The following POU3F3 variants were observed in gnomAD, a reference collection of about 807,000 sequenced individuals.
The protein encoded by POU3F3 is POU class 3 homeobox 3.
Under a neutral mutation model 8.6 loss-of-function variants are expected in POU3F3, and 1 was observed. The observed-to-expected ratio is 0.12, with a 90% CI of 0.04 to 0.55. The LOEUF (loss-of-function observed/expected upper bound fraction) is 0.55, where lower values mean the gene tolerates loss of function less well. POU3F3 is among the 20% of genes least tolerant of loss of function. POU3F3 has a pLI of 0.91. For missense variants in POU3F3, 577 were observed against 690.7 expected (o/e 0.84, Z 1.84); for synonymous variants, 418 against 327.4 (o/e 1.28, Z -2.99).
the POU3F3 span, among the ~76,000 whole-genome samples, chr2:104,878,539 G>A: frequency 2.6e-5 from 4 of 152,314 alleles, no homozygotes; most frequent in Non-Finnish European, 4.4e-5. Flanking sequence ...TGAAAAGGCT[G>A]CACTCTTACT....
At chr2:104,880,605 C>T in the POU3F3 span, among the ~76,000 whole-genome samples, 1 of 152,214 alleles carries the variant, frequency 6.6e-6, no homozygotes, top group Non-Finnish European at 1.5e-5. Flanking sequence ...TTTCTCAAGT[C>T]CATTCTGATT....
the POU3F3 span, among the ~76,000 whole-genome samples, chr2:104,870,770 TATCCCAGAATGAACA>T: frequency 6.6e-6 from 1 of 152,220 alleles, no homozygotes; most frequent in East Asian, 1.9e-4. Flanking sequence ...CTCTTCCTCC[TATCCCAGAATGAACA>T]GGGACTTCCA....
rs1363864019 is a variant in POU3F3, at chr2:104,855,574, G to T, written c.64G>T (p.Val22Leu). 1 of 1,017,868 alleles carries T rather than the reference G, an allele frequency of 9.8e-7. No homozygotes were observed. Among genetic ancestry groups the T allele is most frequent in the South Asian group, 3.4e-5 (1 of 29,838 alleles). The allele number at this position is 1,017,868 out of a possible 1,614,324, so 63.1% of individuals were successfully genotyped here. ...CAGCCTGCTCGCGGCCGGCTCTATT[G>T]TGCACTCGGACGCGGCAGGGGCTGG... ...GNSLLAAGSI[V>L]HSDAAGAGGG... The change falls in exon 1 of 1, where the codon GTG (valine) becomes TTG (leucine). Residue 22 changes from valine (V) to leucine (L), a missense_variant. Val to Leu is a conservative substitution (Grantham distance 32, BLOSUM62 1). Transcript: ENST00000361360.
rs1232861820 is a variant in POU3F3 at position 104,856,283 on chromosome 2, G to T, written c.773G>T (p.Gly258Val). Residue 258 changes from glycine (G) to valine (V), a missense_variant, in exon 1 of 1, where the codon GGG (glycine) becomes GTG (valine). Physicochemically the swap from Gly to Val is moderately radical, Grantham distance 109. Transcript: ENST00000361360. ...GGGAQSLVHP[G>V]LVRGDTPELA... Reference sequence around the variant, plus strand: ...GGAGCCCAGAGCTTGGTGCACCCGGGGCTGGTGCGCGGGGACACGCCAGAG... The same window carrying T: ...GGAGCCCAGAGCTTGGTGCACCCGGTGCTGGTGCGCGGGGACACGCCAGAG... 6.8e-7 allele frequency: 1 copy of T among 1,470,462 alleles called. No homozygotes were observed. The highest frequency in any genetic ancestry group is 8.9e-7 in the Non-Finnish European group (1 of 1,120,076). The allele number at this position is 1,470,462 out of a possible 1,614,324, so 91.1% of individuals were successfully genotyped here.
the POU3F3 span, among the ~76,000 whole-genome samples, chr2:104,863,980 C>A: frequency 7.2e-5 from 11 of 152,226 alleles, no homozygotes; most frequent in Non-Finnish European, 1.5e-4. Context: ...CCGCACGGGG[C>A]GGTGGAGTTC....
chr2:104,903,097 G>A, the POU3F3 span, among the ~76,000 whole-genome samples: 2 of 152,262 alleles, frequency 1.3e-5, no homozygotes, highest in Admixed American at 6.5e-5. Context: ...TATCAAAACT[G>A]TCTGCTAAAG....
At chr2:104,864,148 G>A in the POU3F3 span, among the ~76,000 whole-genome samples, 3 of 152,364 alleles carry the variant, frequency 2.0e-5, no homozygotes, top group East Asian at 5.8e-4. Flanking sequence ...TAGGCCTGCG[G>A]GGAGATCCTG....
chr2:104,924,621 C>T, the POU3F3 span, among the ~76,000 whole-genome samples: 1 of 152,200 alleles, frequency 6.6e-6, no homozygotes, highest in South Asian at 2.1e-4. Context: ...GATCCTTCTC[C>T]TTTATAATCT....
chr2:104,865,674 A>T, the POU3F3 span: 1 of 152,208 alleles, frequency 6.6e-6, no homozygotes, highest in Non-Finnish European at 1.5e-5. Context: ...ATAAAATAAA[A>T]GGTGACAAAA....
chr2:104,863,952 G>A, the POU3F3 span, among the ~76,000 whole-genome samples: 5 of 152,206 alleles, frequency 3.3e-5, no homozygotes, highest in African/African-American at 4.8e-5. Context: ...GAAGTTTCGC[G>A]CCGCCAGGCC....
chr2:104,882,072 C>T, the POU3F3 span, among the ~76,000 whole-genome samples: 3 of 152,130 alleles, frequency 2.0e-5, no homozygotes, highest in African/African-American at 4.8e-5. Flanking sequence ...ATTATTACAG[C>T]AGATAAAATC....
At chr2:104,877,710 G>A in the POU3F3 span, among the ~76,000 whole-genome samples, 2 of 149,222 alleles carry the variant, frequency 1.3e-5, no homozygotes, top group Non-Finnish European at 3.0e-5. Flanking sequence ...CCAGGCTGGA[G>A]TGCAGTGGCA....
chr2:104,905,053 C>T, the POU3F3 span, among the ~76,000 whole-genome samples: 587 of 152,218 alleles, frequency 3.9e-3, 8 homozygotes, highest in African/African-American at 0.013. Flanking sequence ...GCCATCGCAG[C>T]GACAAGGTCC....
At chr2:104,912,603 GTA>G in the POU3F3 span, among the ~76,000 whole-genome samples, 13 of 152,196 alleles carry the variant, frequency 8.5e-5, no homozygotes, top group Non-Finnish European at 1.5e-4. Context: ...CTCAAGATGT[GTA>G]CTTTATTTTC....
chr2:104,872,506 C>T, the POU3F3 span: 472 of 368,458 alleles, frequency 1.3e-3, 3 homozygotes, highest in Non-Finnish European at 2.2e-3. This position sits in a 1 kb window ranked among gnomAD's most constrained non-coding sequence, Gnocchi z 4.6. Context: ...CGTTCCCAGC[C>T]CCTCTTCAGC....
At chr2:104,880,831 C>T in the POU3F3 span, among the ~76,000 whole-genome samples, 5 of 152,136 alleles carry the variant, frequency 3.3e-5, no homozygotes, top group South Asian at 4.2e-4. Flanking sequence ...TTTCTTTATC[C>T]GGGGCAGGGA....
the POU3F3 span, among the ~76,000 whole-genome samples, chr2:104,879,184 A>G: frequency 6.6e-6 from 1 of 151,838 alleles, no homozygotes. Flanking sequence ...CATGCATACA[A>G]CGTATGCAGT....
rs1196699857 is a variant in POU3F3, at chr2:104,856,066, G to A, written c.556G>A (p.Gly186Ser). 8 of 1,007,310 alleles carry A rather than the reference G, an allele frequency of 7.9e-6. No individual in the cohort carries two copies. Among genetic ancestry groups the A allele is most frequent in the South Asian group, 4.5e-5 (1 of 22,360 alleles). 62.4% of individuals were successfully genotyped at this position (1,007,310 alleles called of 1,614,324 possible). A position where few individuals can be genotyped will look rare whatever the true frequency, so the allele number is the denominator to read the frequency against. Reference protein sequence around the residue: ...PPPPHQGHPGGWGAAAAAAAA... With the variant: ...PPPPHQGHPGSWGAAAAAAAA... ...GCCCCCACACCAGGGCCACCCTGGG[G>A]GCTGGGGGGCGGCCGCCGCTGCCGC... Residue 186 changes from glycine to serine, a missense_variant, in exon 1 of 1, where the codon GGC becomes AGC. This residue lies in a region of POU3F3 where 484 missense variants were observed against 422.6 expected (regional missense o/e 1.15). Transcript: ENST00000361360.
upstream of POU3F3, among the ~76,000 whole-genome samples, chr2:104,854,050 G>A: frequency 6.6e-6 from 1 of 152,240 alleles, no homozygotes; most frequent in Non-Finnish European, 1.5e-5. The surrounding 1 kb of genome is among the most constrained non-coding windows in gnomAD (Gnocchi z 4.5). Flanking sequence ...GGGGGCCCTG[G>A]TGCTCGACTT....
Sources: gnomAD v4.1 joint callset for allele counts (sites outside exome capture counted in the v4.1 genomes callset) on GRCh38, gnomAD v4.1.1 for gene constraint, gnomAD v4.1.1 regional missense constraint, Gnocchi (gnomAD v3.1) non-coding constraint, MANE v1.5 for transcripts, NCBI Gene and HGNC (gene_info 2026-07-23, HGNC 2026-07-21) for gene names.